Variants in TCF12 observed in about 807,000 individuals in gnomAD.
TCF12 encodes DNA-binding protein HTF4.
A neutral mutation model predicts 86.0 loss-of-function variants in TCF12; 45 were observed. The observed-to-expected ratio is 0.52, with a 90% confidence interval of 0.41 to 0.67. The LOEUF is 0.67. TCF12 is among the 30% of genes least tolerant of loss of function. The pLI is 0.00. For missense variants in TCF12, 881 were observed against 859.9 expected (o/e 1.02, Z -0.31); for synonymous variants, 330 against 299.6 (o/e 1.10, Z -1.05).
chr15:57,271,032 A>C (rs1223953099), intron 18 of TCF12, among the ~76,000 whole-genome samples: 3 of 152,170 alleles, frequency 2.0e-5, no homozygotes, highest in African/African-American at 7.2e-5. Context: ...TCAGGGACCC[A>C]CTTGAGGAGG....
intron 4 of TCF12, among the ~76,000 whole-genome samples, chr15:57,089,975 G>A (rs904322688): frequency 6.6e-6 from 1 of 152,256 alleles, no homozygotes; most frequent in East Asian, 1.9e-4. Context: ...AGCGCTTTGG[G>A]AGGCCAAGGC....
At chr15:57,045,281 T>G (rs1166335815) in intron 3 of TCF12, among the ~76,000 whole-genome samples, 2 of 152,238 alleles carry the variant, frequency 1.3e-5, no homozygotes, top group Non-Finnish European at 2.9e-5. Flanking sequence ...CGATTTGAAC[T>G]GTGTCTGGAT....
chr15:57,091,680 A>G (rs1291752226), intron 4 of TCF12, 109 bp from the exon 5 acceptor site: 2 of 612,594 alleles, frequency 3.3e-6, no homozygotes, highest in Non-Finnish European at 5.3e-6. Flanking sequence ...AAACTTGGTC[A>G]GAAATGACCA....
chr15:57,026,446 G>T (rs530094903), intron 3 of TCF12, among the ~76,000 whole-genome samples: 4 of 152,248 alleles, frequency 2.6e-5, no homozygotes, highest in Admixed American at 6.5e-5. Flanking sequence ...GCATGCTGTT[G>T]GTAGGACTCT....
chr15:57,082,767 T>A (rs1433865525), intron 4 of TCF12, among the ~76,000 whole-genome samples: 2 of 152,200 alleles, frequency 1.3e-5, no homozygotes, highest in Admixed American at 1.3e-4. Flanking sequence ...TCTAGTAAAT[T>A]TGAACACAAG....
At chr15:57,097,630 G>A (rs1456811626) in intron 5 of TCF12, among the ~76,000 whole-genome samples, 4 of 152,164 alleles carry the variant, frequency 2.6e-5, no homozygotes, top group East Asian at 1.9e-4. Flanking sequence ...AAGGGAAATA[G>A]TATCTGATTT....
chr15:57,182,558 C>T (rs11632069), intron 6 of TCF12, among the ~76,000 whole-genome samples: 1 of 151,928 alleles, frequency 6.6e-6, no homozygotes, highest in African/African-American at 2.4e-5. Flanking sequence ...TACTTTGCCT[C>T]ATCTTATGGA....
At chr15:57,221,385 T>G (rs1479436519) in intron 8 of TCF12, among the ~76,000 whole-genome samples, 11 of 92,044 alleles carry the variant, frequency 1.2e-4, no homozygotes, top group African/African-American at 3.0e-4. Flanking sequence ...GTGTGTGGGG[T>G]GTGTGTGTGT....
intron 4 of TCF12, among the ~76,000 whole-genome samples, chr15:57,082,285 C>G (rs1324948153): frequency 6.6e-6 from 1 of 152,180 alleles, no homozygotes; most frequent in African/African-American, 2.4e-5. Flanking sequence ...AGCAGCCAGT[C>G]TTGTTGCCAT....
At chr15:57,194,402 C>G (rs1259338162) in intron 7 of TCF12, among the ~76,000 whole-genome samples, 1 of 152,096 alleles carries the variant, frequency 6.6e-6, no homozygotes, top group African/African-American at 2.4e-5. Context: ...TGGTAGTTCT[C>G]TTGGTGCCCA....
chr15:57,278,943 T>TTCCTTCC (rs1491145409), intron 19 of TCF12, among the ~76,000 whole-genome samples: 135 of 15,148 alleles, frequency 8.9e-3, no homozygotes, highest in African/African-American at 0.016. Context: ...CCTTCCTTCC[T>TTCCTTCC]TTTTTTTTTT....
intron 6 of TCF12, among the ~76,000 whole-genome samples, chr15:57,168,466 A>G (rs2055065798): frequency 6.6e-6 from 1 of 152,242 alleles, no homozygotes; most frequent in South Asian, 2.1e-4. Flanking sequence ...AGTTTTAGCA[A>G]TATCCATTGA....
intron 3 of TCF12, among the ~76,000 whole-genome samples, chr15:57,013,330 A>G (rs1336416840): frequency 6.6e-6 from 1 of 152,140 alleles, no homozygotes; most frequent in East Asian, 1.9e-4. Context: ...TTTTCCTTTT[A>G]TACTGAGTCT....
At chr15:57,268,760 T>A (rs1437974935) in intron 18 of TCF12, among the ~76,000 whole-genome samples, 2 of 152,182 alleles carry the variant, frequency 1.3e-5, no homozygotes, top group East Asian at 3.9e-4. Context: ...ATTACAGAAA[T>A]GTAGAAAATA....
In TCF12 at chr15:56,989,386, TCTC is replaced by T. The variant is rs369937418; in HGVS notation, c.148+68291_148+68293del. On this transcript the variant is annotated intron_variant, in intron 3 of 20. Coordinates refer to ENST00000333725, the MANE Select transcript of TCF12 (RefSeq NM_207037.2). ...CTCTTCTCTAAAGGAAAAACTGTGT[TCTC>T]CTACAGATTCTGTCTGCAGCATTCT... 1.9e-3 allele frequency among the ~76,000 whole-genome samples: 293 copies of T among 152,316 alleles called. 1 individual carries two copies. The highest frequency in any genetic ancestry group is 3.4e-3 in the Middle Eastern group (1 of 294).
At chr15:57,010,715 G>A (rs1434684718) in intron 3 of TCF12, among the ~76,000 whole-genome samples, 2 of 152,190 alleles carry the variant, frequency 1.3e-5, no homozygotes, top group African/African-American at 4.8e-5. Flanking sequence ...CGTGTTTACT[G>A]AAGTTCATGG....
intron 3 of TCF12, among the ~76,000 whole-genome samples, chr15:57,054,425 G>GT (rs1441709536): frequency 6.6e-6 from 1 of 152,152 alleles, no homozygotes; most frequent in East Asian, 1.9e-4. Flanking sequence ...AGTGTTGTAT[G>GT]TTTTTTGTTT....
At chr15:57,250,494 T>G (rs2060057750) in intron 13 of TCF12, among the ~76,000 whole-genome samples, 1 of 152,154 alleles carries the variant, frequency 6.6e-6, no homozygotes, top group Non-Finnish European at 1.5e-5. Context: ...TTTGTGAGGC[T>G]GAGGCGGGTG....
chr15:57,235,200 G>A (rs1432219218), intron 12 of TCF12, among the ~76,000 whole-genome samples: 1 of 152,084 alleles, frequency 6.6e-6, no homozygotes, highest in Non-Finnish European at 1.5e-5. Context: ...TAATAGTAAT[G>A]ACAATAACAA....
Sources: allele counts gnomAD v4.1 joint callset (sites outside exome capture counted in the v4.1 genomes callset), GRCh38; gene constraint gnomAD v4.1.1; transcripts MANE v1.5; gene names NCBI Gene and HGNC (gene_info 2026-07-23, HGNC 2026-07-21).